Variants in RBFOX1 observed in about 807,000 individuals in gnomAD.
RBFOX1 encodes the protein RNA binding fox-1 homolog 1, also known as RNA binding protein fox-1 homolog 1.
Under a neutral mutation model 57.7 loss-of-function variants are expected in RBFOX1, and 8 were observed. The observed-to-expected ratio is 0.14, with a 90% CI of 0.08 to 0.25. RBFOX1 has a LOEUF of 0.25. Among genes scored for constraint, RBFOX1 ranks in the 10% least tolerant of loss-of-function variants. The probability of loss-of-function intolerance (pLI) is 1.00; values close to 1 mark genes in which losing one functional copy is unlikely to be tolerated. For missense variants in RBFOX1, 611 were observed against 548.5 expected (o/e 1.11, Z -1.14); for synonymous variants, 326 against 222.4 (o/e 1.47, Z -4.15).
intron 4 of RBFOX1, among the ~76,000 whole-genome samples, chr16:5,890,707 A>G (rs1258877452): frequency 6.6e-6 from 1 of 150,966 alleles, no homozygotes; most frequent in East Asian, 1.9e-4. Context: ...GAAAAAAAAA[A>G]AAAAAAAAAA....
chr16:7,702,004 T>G (rs908555466), intron 14 of RBFOX1, among the ~76,000 whole-genome samples: 2 of 152,196 alleles, frequency 1.3e-5, no homozygotes, highest in African/African-American at 4.8e-5. Flanking sequence ...GGTTGGCACC[T>G]GTTGTCTCTC....
At chr16:5,700,532 C>T (rs2151480848) in intron 3 of RBFOX1, among the ~76,000 whole-genome samples, 1 of 152,208 alleles carries the variant, frequency 6.6e-6, no homozygotes, top group Middle Eastern at 3.4e-3. Flanking sequence ...AAGATCTTTA[C>T]AATTCTTTTG....
At chr16:6,881,851 C>A (rs1026514822) in intron 3 of RBFOX1, among the ~76,000 whole-genome samples, 2 of 140,232 alleles carry the variant, frequency 1.4e-5, no homozygotes, top group Non-Finnish European at 3.1e-5. Context: ...GAAACTGAGG[C>A]TGAAAAATCT....
chr16:7,101,507 C>T (rs4619425), intron 4 of RBFOX1, among the ~76,000 whole-genome samples: 1 of 152,022 alleles, frequency 6.6e-6, no homozygotes, highest in East Asian at 1.9e-4. Flanking sequence ...AAGAGACCGG[C>T]TGTACCAAAG....
At chr16:5,889,557 T>C (rs1403448351) in intron 4 of RBFOX1, among the ~76,000 whole-genome samples, 1 of 152,212 alleles carries the variant, frequency 6.6e-6, no homozygotes, top group Non-Finnish European at 1.5e-5. Context: ...AATAGAATGA[T>C]TGATATTCTT....
chr16:7,525,943 T>C (rs2078605598), intron 5 of RBFOX1, among the ~76,000 whole-genome samples: 1 of 152,120 alleles, frequency 6.6e-6, no homozygotes. Flanking sequence ...TCTTCTAAAA[T>C]AGGGGTACCC....
In RBFOX1 at chr16:6,938,944, A is replaced by G. The variant is rs116670071; in HGVS notation, c.-15-113113A>G. On this transcript the variant is annotated intron_variant, in intron 3 of 15. Transcript: ENST00000550418. ...GAGAGTCCATCTCAAAAAAGAAAGTAAAATAAAAAATGGAGAATGGAGATT... is the reference window on the plus strand; with the variant it reads ...GAGAGTCCATCTCAAAAAAGAAAGTGAAATAAAAAATGGAGAATGGAGATT... 9.6e-3 allele frequency among the ~76,000 whole-genome samples: 1,463 copies of G among 152,108 alleles called. 15 individuals carry two copies. Among genetic ancestry groups the G allele is most frequent in the Middle Eastern group, 0.024 (7 of 294 alleles).
At chr16:6,591,654 G>A (rs76673293) in intron 2 of RBFOX1, among the ~76,000 whole-genome samples, 8 of 152,162 alleles carry the variant, frequency 5.3e-5, no homozygotes, top group Admixed American at 3.9e-4. Context: ...AGTCTTAGCT[G>A]TTGTGACACG....
chr16:7,234,550 C>G (rs1240303672), intron 4 of RBFOX1, among the ~76,000 whole-genome samples: 2 of 151,470 alleles, frequency 1.3e-5, no homozygotes, highest in Admixed American at 1.3e-4. Context: ...AAGCATTTAA[C>G]CATGAAGTCT....
At chr16:7,309,035 A>G (rs2096254270) in intron 4 of RBFOX1, among the ~76,000 whole-genome samples, 1 of 152,186 alleles carries the variant, frequency 6.6e-6, no homozygotes, top group African/African-American at 2.4e-5. Flanking sequence ...GCAGAAAAGA[A>G]TTAGGATAGA....
chr16:6,929,449 C>T (rs2076156507), intron 3 of RBFOX1, among the ~76,000 whole-genome samples: 1 of 152,106 alleles, frequency 6.6e-6, no homozygotes. Context: ...TGGTATATAT[C>T]AGAAGCGTGC....
chr16:5,447,362 G>A (rs1432816915), intron 1 of RBFOX1, among the ~76,000 whole-genome samples: 1 of 127,750 alleles, frequency 7.8e-6, no homozygotes, highest in Non-Finnish European at 1.6e-5. Context: ...ATCATTCAAT[G>A]TCAATCAATC....
chr16:6,779,061 T>A (rs1041610240), intron 3 of RBFOX1, among the ~76,000 whole-genome samples: 9 of 152,106 alleles, frequency 5.9e-5, no homozygotes, highest in Non-Finnish European at 1.2e-4. Context: ...CAATGCATTA[T>A]TGTTAACTAT....
At chr16:7,696,509 T>C (rs2078835993) in intron 14 of RBFOX1, among the ~76,000 whole-genome samples, 1 of 145,608 alleles carries the variant, frequency 6.9e-6, no homozygotes, top group Non-Finnish European at 1.5e-5. Flanking sequence ...AGAATGGAGG[T>C]TGAAAAGCAA....
At chr16:6,835,504 C>T (rs778043996) in intron 3 of RBFOX1, among the ~76,000 whole-genome samples, 5 of 151,942 alleles carry the variant, frequency 3.3e-5, no homozygotes, top group East Asian at 1.9e-4. Context: ...GCAATCCCAG[C>T]ACTTTGGGAG....
At chr16:7,117,076 A>C (rs934293930) in intron 4 of RBFOX1, among the ~76,000 whole-genome samples, 2 of 152,186 alleles carry the variant, frequency 1.3e-5, no homozygotes, top group Admixed American at 6.6e-5. Flanking sequence ...AAATACTCAA[A>C]AGCAGCTAAA....
In RBFOX1 at chr16:7,663,668, T is replaced by C. The variant is rs559071112; in HGVS notation, c.891-1261T>C. 3.3e-5 allele frequency among the ~76,000 whole-genome samples: 5 copies of C among 152,282 alleles called. No homozygotes were observed. In the East Asian group the frequency reaches 9.7e-4, roughly 29 times the overall value. On this transcript the variant is annotated intron_variant, in intron 12 of 15. Transcript: ENST00000550418. ...CAGCTTCATTCAATGGTGGGGCTCA[T>C]TGGTCCTTTGCCAGAATCATAAGTC... is the stretch of plus-strand genomic sequence containing the variant.
intron 2 of RBFOX1, among the ~76,000 whole-genome samples, chr16:6,520,537 A>G (rs537684339): frequency 1.2e-3 from 174 of 148,474 alleles, no homozygotes; most frequent in African/African-American, 4.3e-3. Context: ...CAGTGGGACT[A>G]TTTGTTTATA....
At chr16:6,733,109 A>G (rs1255376290) in intron 3 of RBFOX1, among the ~76,000 whole-genome samples, 2 of 152,192 alleles carry the variant, frequency 1.3e-5, no homozygotes, top group Admixed American at 1.3e-4. Flanking sequence ...GAAATATATG[A>G]ATATAAGCAC....
Sources: allele counts gnomAD v4.1 joint callset (sites outside exome capture counted in the v4.1 genomes callset), GRCh38; gene constraint gnomAD v4.1.1; transcripts MANE v1.5; gene names NCBI Gene and HGNC (gene_info 2026-07-23, HGNC 2026-07-21).